The following NLGN1 variants were observed in gnomAD, a reference collection of about 807,000 sequenced individuals.
The protein encoded by NLGN1 is neuroligin 1.
In NLGN1, 12 loss-of-function variants were observed where a neutral mutation model predicts 65.5. The ratio of observed to expected loss-of-function variants is 0.18; its 90% CI spans 0.12 to 0.30. NLGN1 has a LOEUF of 0.30. Among genes scored for constraint, NLGN1 ranks in the 10% least tolerant of loss-of-function variants. NLGN1 has a pLI of 1.00. For missense variants in NLGN1, 750 were observed against 1,007.1 expected, an observed-to-expected ratio of 0.74 and a Z score of 3.46; for synonymous variants, 350 against 359.5, an observed-to-expected ratio of 0.97 and a Z score of 0.30.
chr3:173,459,278 A>G (rs1356577776), intron 2 of NLGN1, among the ~76,000 whole-genome samples: 1 of 152,152 alleles, frequency 6.6e-6, no homozygotes, highest in Non-Finnish European at 1.5e-5. Context: ...TTTTTTAAAA[A>G]AAATAGCTAC....
At chr3:174,081,627 TTCGCTCTTGTTGC>T (rs1455291834) in intron 4 of NLGN1, among the ~76,000 whole-genome samples, 1 of 149,842 alleles carries the variant, frequency 6.7e-6, no homozygotes, top group Non-Finnish European at 1.5e-5. Flanking sequence ...GAGACAGAGT[TTCGCTCTTGTTGC>T]CCAATGGCAT....
At chr3:173,592,214 G>A (rs1315877250) in intron 2 of NLGN1, among the ~76,000 whole-genome samples, 1 of 152,046 alleles carries the variant, frequency 6.6e-6, no homozygotes, top group Non-Finnish European at 1.5e-5. Flanking sequence ...AATAGTTTCA[G>A]AATAAATAGA....
At chr3:173,518,532 GTGTGTGTGTGTGTGCATGCA>G (rs1328498728) in intron 2 of NLGN1, among the ~76,000 whole-genome samples, 1 of 149,526 alleles carries the variant, frequency 6.7e-6, no homozygotes, top group Admixed American at 6.7e-5. Context: ...GTATGTGTAT[GTGTGTGTGTGTGTGCATGCA>G]TGTGTGTGTG....
intron 4 of NLGN1, among the ~76,000 whole-genome samples, chr3:173,936,837 A>G (rs1422604947): frequency 6.6e-6 from 1 of 152,090 alleles, no homozygotes; most frequent in East Asian, 1.9e-4. Context: ...AGTATATTTA[A>G]AAATTAGAGA....
chr3:173,897,865 T>C (rs1408152968), intron 4 of NLGN1, among the ~76,000 whole-genome samples: 1 of 152,206 alleles, frequency 6.6e-6, no homozygotes, highest in Non-Finnish European at 1.5e-5. Flanking sequence ...TAGCATGGTG[T>C]TCTTGCCCCC....
intron 4 of NLGN1, chr3:174,180,696 T>C (rs1577240745): frequency 6.6e-6 from 1 of 152,152 alleles, no homozygotes; most frequent in African/African-American, 2.4e-5. Context: ...TTGGAGATGA[T>C]AGATGTGTTC....
At chr3:174,068,477 C>T (rs893741017) in intron 4 of NLGN1, among the ~76,000 whole-genome samples, 6 of 151,954 alleles carry the variant, frequency 3.9e-5, no homozygotes, top group African/African-American at 1.4e-4. Flanking sequence ...TTTCTCTTAG[C>T]TATCTTCACA....
chr3:173,741,243 G>A lies in NLGN1; in HGVS notation c.494-66437G>A, dbSNP rs1402304853. Among the ~76,000 whole-genome samples, 3 of 152,022 alleles carry A rather than the reference G, an allele frequency of 2.0e-5. No homozygotes were observed. In the East Asian group the frequency reaches 5.8e-4, roughly 29 times the overall value. ...CAATTTTATTCTGTTGCCTAGCATG[G>A]CATCTGGCACAGAGCAGACAATCAA... On this transcript the variant is annotated intron_variant, in intron 3 of 6. Coordinates refer to ENST00000457714, the Ensembl canonical transcript of NLGN1.
At chr3:174,277,591 A>G (rs984365402) in intron 5 of NLGN1, among the ~76,000 whole-genome samples, 3 of 151,956 alleles carry the variant, frequency 2.0e-5, no homozygotes, top group Non-Finnish European at 1.5e-5. Flanking sequence ...TTTAAAAATT[A>G]TCTGTATTTG....
chr3:173,903,126 G>A (rs557001835), intron 4 of NLGN1, among the ~76,000 whole-genome samples: 10 of 152,224 alleles, frequency 6.6e-5, no homozygotes, highest in African/African-American at 2.4e-4. Context: ...GTCAGAAAAG[G>A]CATTGAGTGT....
At chr3:174,228,072 C>A (rs749006445) in intron 4 of NLGN1, among the ~76,000 whole-genome samples, 22 of 151,840 alleles carry the variant, frequency 1.4e-4, no homozygotes, top group Admixed American at 1.2e-3. Flanking sequence ...TTTTCTCTCT[C>A]CATTTTTTTT....
chr3:173,821,017 A>G (rs1004012490), intron 4 of NLGN1, among the ~76,000 whole-genome samples: 19 of 152,302 alleles, frequency 1.2e-4, no homozygotes, highest in African/African-American at 4.6e-4. Flanking sequence ...ATCTTAAACC[A>G]ATCCCTGATT....
At chr3:173,457,222 C>T (rs563373210) in intron 2 of NLGN1, among the ~76,000 whole-genome samples, 1 of 152,074 alleles carries the variant, frequency 6.6e-6, no homozygotes, top group African/African-American at 2.4e-5. Context: ...CAGTTTTCAT[C>T]ATTATTAAAT....
chr3:173,786,461 A>G (rs912529268), intron 3 of NLGN1, among the ~76,000 whole-genome samples: 4 of 152,202 alleles, frequency 2.6e-5, no homozygotes, highest in African/African-American at 9.6e-5. Context: ...ATTTCAACAA[A>G]ATAGTATTGA....
At chr3:173,960,097 A>T (rs1713166844) in intron 4 of NLGN1, among the ~76,000 whole-genome samples, 1 of 152,042 alleles carries the variant, frequency 6.6e-6, no homozygotes, top group Non-Finnish European at 1.5e-5. Flanking sequence ...AGTTTTGTGT[A>T]TTACTTTTTC....
At chr3:173,949,218 G>A (rs764674081) in intron 4 of NLGN1, among the ~76,000 whole-genome samples, 72 of 152,154 alleles carry the variant, frequency 4.7e-4, no homozygotes, top group South Asian at 3.1e-3. Flanking sequence ...ATCTCAAGGT[G>A]TAAATATATT....
chr3:173,474,410 C>T (rs964496131), intron 2 of NLGN1, among the ~76,000 whole-genome samples: 29 of 152,148 alleles, frequency 1.9e-4, no homozygotes, highest in African/African-American at 6.8e-4. Flanking sequence ...GCCCCAAACC[C>T]TTCAATTTCT....
intron 4 of NLGN1, among the ~76,000 whole-genome samples, chr3:174,125,026 A>T (rs1344447323): frequency 6.6e-6 from 1 of 152,102 alleles, no homozygotes; most frequent in Non-Finnish European, 1.5e-5. Context: ...TTGAGAGTGC[A>T]TGGAGAATGG....
intron 3 of NLGN1, among the ~76,000 whole-genome samples, chr3:173,767,002 A>G (rs372507232): frequency 6.6e-6 from 1 of 152,170 alleles, no homozygotes; most frequent in South Asian, 2.1e-4. Flanking sequence ...CTGATTTGCC[A>G]TTCTCTAGTT....
Sources: gnomAD v4.1 joint callset for allele counts (sites outside exome capture counted in the v4.1 genomes callset) on GRCh38, gnomAD v4.1.1 for gene constraint, MANE v1.5 for transcripts, NCBI Gene and HGNC (gene_info 2026-07-23, HGNC 2026-07-21) for gene names.